HHAT: variants seen among roughly 807,000 people sequenced by gnomAD.
HHAT encodes protein-cysteine N-palmitoyltransferase HHAT.
A neutral mutation model predicts 70.8 loss-of-function variants in HHAT; 47 were observed. That is an observed-to-expected ratio of 0.66 (90% CI 0.53 to 0.85). The LOEUF (loss-of-function observed/expected upper bound fraction) is 0.85. Among genes scored for constraint, HHAT ranks in the 40% least tolerant of loss-of-function variants. The probability of loss-of-function intolerance (pLI) is 0.00; values close to 1 mark genes in which losing one functional copy is unlikely to be tolerated. For synonymous variants in HHAT, 228 were observed against 247.6 expected (o/e 0.92, Z 0.74); for missense variants, 609 against 604.8 (o/e 1.01, Z -0.07).
chr1:210,644,645 A>T (rs1673668363), intron 11 of HHAT, among the ~76,000 whole-genome samples: 1 of 146,810 alleles, frequency 6.8e-6, no homozygotes, highest in South Asian at 2.2e-4. Flanking sequence ...TAGTCTTGGG[A>T]GAGTGGAGTG....
chr1:210,490,712 A>T (rs1286754913), intron 8 of HHAT, among the ~76,000 whole-genome samples: 1 of 152,184 alleles, frequency 6.6e-6, no homozygotes, highest in Non-Finnish European at 1.5e-5. Context: ...TCACACCAGA[A>T]CTTGAAATTG....
At chr1:210,339,011 T>C (rs2085761088) in intron 1 of HHAT, among the ~76,000 whole-genome samples, 1 of 152,092 alleles carries the variant, frequency 6.6e-6, no homozygotes, top group African/African-American at 2.4e-5. Flanking sequence ...GCCACTGCAT[T>C]CCAGCCTGGG....
At chr1:210,454,846 A>G (rs181818034) in intron 7 of HHAT, among the ~76,000 whole-genome samples, 169 of 152,334 alleles carry the variant, frequency 1.1e-3, no homozygotes, top group Admixed American at 2.7e-3. Flanking sequence ...CATGTCTAAC[A>G]TGTTCAAAGA....
intron 7 of HHAT, among the ~76,000 whole-genome samples, chr1:210,439,384 T>C (rs1322594363): frequency 6.6e-6 from 1 of 151,792 alleles, no homozygotes; most frequent in Non-Finnish European, 1.5e-5. Flanking sequence ...CTCAGCCCCA[T>C]ACATATGGGC....
intron 8 of HHAT, among the ~76,000 whole-genome samples, chr1:210,487,528 T>C (rs1413190351): frequency 6.6e-6 from 1 of 152,164 alleles, no homozygotes; most frequent in East Asian, 1.9e-4. Context: ...CCAGGAAGCA[T>C]GTGCATGTTT....
intron 9 of HHAT, among the ~76,000 whole-genome samples, chr1:210,568,771 G>T (rs1655391730): frequency 1.3e-5 from 2 of 152,176 alleles, no homozygotes; most frequent in African/African-American, 4.8e-5. Flanking sequence ...TGTCATAGCT[G>T]AAGTGTTTCC....
Position 210,674,547 on chromosome 1 carries a change from A to G in HHAT, c.*168A>G. On this transcript the variant is annotated 3_prime_UTR_variant, in exon 12 of 12. Coordinates refer to ENST00000261458, the MANE Select transcript of HHAT (RefSeq NM_018194.6). The stretch of plus-strand genomic sequence containing the variant: ...GATCTCATAGAAAATTCACAGCCAG[A>G]CAATCTTCTAATCTGGAGTCTTTGA... 1 of 588,892 alleles carries G rather than the reference A, an allele frequency of 1.7e-6. No homozygotes were observed. Among genetic ancestry groups the G allele is most frequent in the Non-Finnish European group, 3.0e-6 (1 of 331,762 alleles). 36.5% of individuals were successfully genotyped at this position (588,892 alleles called of 1,614,324 possible).
At chr1:210,567,777 T>G (rs532262039) in intron 9 of HHAT, among the ~76,000 whole-genome samples, 60 of 152,278 alleles carry the variant, frequency 3.9e-4, no homozygotes, top group African/African-American at 1.3e-3. Flanking sequence ...AGAGAGAGCC[T>G]TGCTTATACC....
chr1:210,626,293 C>T (rs1305400836), intron 11 of HHAT, among the ~76,000 whole-genome samples: 4 of 152,170 alleles, frequency 2.6e-5, no homozygotes, highest in Non-Finnish European at 2.9e-5. Flanking sequence ...TCTGAAAACC[C>T]GGTCTGCTGC....
rs541795412 is a variant in HHAT at position 210,336,287 on chromosome 1, A to ATTTTTTTTTTTTTTTTTTTTTTTTTTTT, written c.-44+7206_-44+7207insTTTTTTTTTTTTTTTTTTTTTTTTTTTT. On this transcript the variant is annotated intron_variant, in intron 1 of 11. Transcript: ENST00000261458. The stretch of plus-strand genomic sequence containing the variant: ...AGGCATGCACCACTGTGCCTGGCTA[A>ATTTTTTTTTTTTTTTTTTTTTTTTTTTT]TTTTTTTTTTTTTTTTTTTTTTTAG... Among the ~76,000 whole-genome samples the ATTTTTTTTTTTTTTTTTTTTTTTTTTTT allele has an allele frequency of 2.7e-3, 232 of 84,584 alleles. 32 individuals carry two copies. Among genetic ancestry groups the ATTTTTTTTTTTTTTTTTTTTTTTTTTTT allele is most frequent in the Non-Finnish European group, 4.3e-3 (183 of 42,322 alleles). 55.5% of individuals were successfully genotyped at this position (84,584 alleles called of 152,430 possible). A position where few individuals can be genotyped will look rare whatever the true frequency, so the allele number is the denominator to read the frequency against.
At chr1:210,454,022 C>A (rs1332283702) in intron 7 of HHAT, among the ~76,000 whole-genome samples, 1 of 152,130 alleles carries the variant, frequency 6.6e-6, no homozygotes, top group Non-Finnish European at 1.5e-5. Flanking sequence ...GAGGAAGAAG[C>A]AAAAGCAGAA....
rs2148621937 is a variant in HHAT at position 210,526,579 on chromosome 1, A to G, written c.1043+13391A>G. ...AAAGGCATTGGATCAGATGCAGAAG[A>G]CCAACACTCTAGACTGCCGTACCTC... On this transcript the variant is annotated intron_variant, in intron 9 of 11. Transcript: ENST00000261458. Among the ~76,000 whole-genome samples, 2 of 152,176 alleles carry G rather than the reference A, an allele frequency of 1.3e-5. 1 individual carries two copies. The highest frequency in any genetic ancestry group is 4.2e-4 in the South Asian group (2 of 4,816).
chr1:210,619,711 A>G (rs116548196), intron 10 of HHAT, among the ~76,000 whole-genome samples: 2,564 of 151,860 alleles, frequency 0.017, 40 homozygotes, highest in Middle Eastern at 0.034. Flanking sequence ...AGACAACCAA[A>G]CATGCCCAGC....
chr1:210,379,773 A>G lies in HHAT; in HGVS notation c.160-7695A>G, dbSNP rs573002337. On this transcript the variant is annotated intron_variant, in intron 3 of 11. Coordinates refer to ENST00000261458, the MANE Select transcript of HHAT (RefSeq NM_018194.6). Reference sequence around the variant, plus strand: ...CAAACAAGGACATAATACTTCATACATTCCTGGCTGTATTCCAAGTGTTCT... The same window carrying G: ...CAAACAAGGACATAATACTTCATACGTTCCTGGCTGTATTCCAAGTGTTCT... Among the ~76,000 whole-genome samples, 5 of 152,316 alleles carry G rather than the reference A, an allele frequency of 3.3e-5. No individual in the cohort carries two copies. In the East Asian group the frequency reaches 9.6e-4, roughly 29 times the overall value.
At chr1:210,645,770 C>G (rs1374287762) in intron 11 of HHAT, among the ~76,000 whole-genome samples, 2 of 152,192 alleles carry the variant, frequency 1.3e-5, no homozygotes, top group East Asian at 3.9e-4. Context: ...CCAGGCCTTC[C>G]TGATACCAGT....
chr1:210,398,386 T>C (rs2091905679), intron 4 of HHAT, among the ~76,000 whole-genome samples: 1 of 152,164 alleles, frequency 6.6e-6, no homozygotes, highest in South Asian at 2.1e-4. Context: ...CTTAGAACAG[T>C]ATTAAGTGTC....
At chr1:210,607,955 T>C (rs4426039) in intron 10 of HHAT, among the ~76,000 whole-genome samples, 122,355 of 152,082 alleles carry the variant, frequency 0.8, 51,589 homozygotes, top group East Asian at 0.99. Flanking sequence ...GTTTAAGAAA[T>C]ATTCTAAAAT....
In HHAT at chr1:210,527,267, C is replaced by T. The variant is rs1015423979; in HGVS notation, c.1043+14079C>T. Among the ~76,000 whole-genome samples the T allele has an allele frequency of 3.3e-5, 5 of 151,378 alleles. No homozygotes were observed. In the South Asian group the frequency reaches 1.1e-3, roughly 32 times the overall value. On this transcript the variant is annotated intron_variant, in intron 9 of 11. Coordinates refer to ENST00000261458, the MANE Select transcript of HHAT (RefSeq NM_018194.6). Reference sequence around the variant, plus strand: ...GGAAGCGTCAGGTGCTCCCTTGCAGCATGCTGTGTGGTCTCTCGTGGTTTT... The same window carrying T: ...GGAAGCGTCAGGTGCTCCCTTGCAGTATGCTGTGTGGTCTCTCGTGGTTTT...
chr1:210,536,121 T>TG (rs1489813448), intron 9 of HHAT, among the ~76,000 whole-genome samples: 5 of 152,224 alleles, frequency 3.3e-5, no homozygotes, highest in African/African-American at 1.2e-4. Context: ...TCTTTTTAAT[T>TG]GGGGAAAATA....
Sources: allele counts gnomAD v4.1 joint callset (sites outside exome capture counted in the v4.1 genomes callset), GRCh38; gene constraint gnomAD v4.1.1; transcripts MANE v1.5; gene names NCBI Gene and HGNC (gene_info 2026-07-23, HGNC 2026-07-21).